The following EYS variants were observed in gnomAD, a reference collection of about 807,000 sequenced individuals.
EYS encodes the protein protein eyes shut homolog.
EYS carries 250 observed loss-of-function variants against 282.1 expected under a neutral mutation model. The ratio of observed to expected loss-of-function variants is 0.89; its 90% CI spans 0.80 to 0.98. EYS has a LOEUF of 0.98. Among genes scored for constraint, EYS ranks in the 50% least tolerant of loss-of-function variants. The pLI is 0.00. For synonymous variants in EYS, 1,355 were observed against 1,282.9 expected (o/e 1.06, Z -1.20); for missense variants, 4,016 against 3,709.0 (o/e 1.08, Z -2.15).
chr6:65,266,023 A>C (rs1439759303), intron 12 of EYS, among the ~76,000 whole-genome samples: 6 of 151,702 alleles, frequency 4.0e-5, no homozygotes, highest in Admixed American at 3.9e-4. Flanking sequence ...ACATTTAAGA[A>C]AAAAATATGT....
intron 5 of EYS, among the ~76,000 whole-genome samples, chr6:65,467,298 A>G (rs2150413973): frequency 6.6e-6 from 1 of 152,306 alleles, no homozygotes; most frequent in South Asian, 2.1e-4. Flanking sequence ...TCATATGCAG[A>G]GAAACTGGAT....
intron 13 of EYS, among the ~76,000 whole-genome samples, chr6:65,016,281 G>A (rs1396200833): frequency 6.6e-6 from 1 of 152,006 alleles, no homozygotes; most frequent in Admixed American, 6.6e-5. Context: ...ATGTATGGAT[G>A]ACTTTTGATA....
intron 22 of EYS, among the ~76,000 whole-genome samples, chr6:64,763,874 G>A (rs1773239988): frequency 6.6e-6 from 1 of 152,142 alleles, no homozygotes. Flanking sequence ...AAACCCAGTT[G>A]GGCAGTCATT....
chr6:65,001,203 A>T (rs9363315), intron 13 of EYS, among the ~76,000 whole-genome samples: 11,480 of 124,410 alleles, frequency 0.092, 1,780 homozygotes, highest in East Asian at 0.23. Context: ...TATGATAGCT[A>T]TCTGTATCCT....
intron 7 of EYS, among the ~76,000 whole-genome samples, chr6:65,389,074 T>G (rs144457484): frequency 8.5e-5 from 13 of 152,236 alleles, no homozygotes; most frequent in African/African-American, 3.1e-4. Context: ...TATAATAGCT[T>G]ATTAACAGGT....
intron 7 of EYS, among the ~76,000 whole-genome samples, chr6:65,397,876 G>C (rs575150066): frequency 6.6e-6 from 1 of 152,104 alleles, no homozygotes; most frequent in South Asian, 2.1e-4. Context: ...TCTATCAACA[G>C]TGTGTAAGCA....
chr6:64,469,533 G>A (rs188774681), intron 26 of EYS, among the ~76,000 whole-genome samples: 1 of 152,282 alleles, frequency 6.6e-6, no homozygotes, highest in Admixed American at 6.5e-5. Flanking sequence ...GAAGTGACCA[G>A]AAGACAAGAG....
intron 30 of EYS, among the ~76,000 whole-genome samples, chr6:64,241,869 G>T (rs1766845017): frequency 6.6e-6 from 1 of 152,108 alleles, no homozygotes; most frequent in Admixed American, 6.6e-5. Flanking sequence ...CTTTAAATGT[G>T]TTCCAGAGAT....
At chr6:65,668,046 T>C (rs923535) in intron 1 of EYS, among the ~76,000 whole-genome samples, 53,501 of 151,650 alleles carry the variant, frequency 0.35, 11,909 homozygotes, top group Non-Finnish European at 0.49. Flanking sequence ...ACAAAGCCAA[T>C]TCATCATGAA....
At position 63,782,369 on chromosome 6, in the gene EYS, C is replaced by T. The variant is rs567950832; in HGVS notation, c.7724-4189G>A. ...CCTCTGGTGGAATTCAGCTGTGAAT[C>T]TGTCTGGTCCTGGACTTTTTTGGGT... On this transcript the variant is annotated intron_variant, in intron 39 of 42. Coordinates refer to ENST00000503581, the MANE Select transcript of EYS (RefSeq NM_001142800.2). Among the ~76,000 whole-genome samples, 7 of 152,328 alleles carry T rather than the reference C, an allele frequency of 4.6e-5. No homozygotes were observed. The South Asian group carries it at 1.2e-3, about 27-fold the overall frequency.
intron 12 of EYS, among the ~76,000 whole-genome samples, chr6:65,121,504 C>A (rs1439685146): frequency 2.0e-5 from 3 of 147,952 alleles, no homozygotes; most frequent in African/African-American, 7.4e-5. Context: ...TCATGAGTGT[C>A]TTATTGGAAA....
intron 29 of EYS, among the ~76,000 whole-genome samples, chr6:64,357,271 C>T (rs1228451451): frequency 2.0e-5 from 3 of 151,568 alleles, no homozygotes; most frequent in African/African-American, 7.3e-5. Context: ...TAGAGAACAT[C>T]ATAAATACCA....
intron 15 of EYS, among the ~76,000 whole-genome samples, chr6:64,941,135 C>T (rs983269838): frequency 2.6e-5 from 4 of 151,984 alleles, no homozygotes; most frequent in Non-Finnish European, 5.9e-5. Flanking sequence ...AATCTGAGCA[C>T]TTTGGGAGGC....
chr6:64,550,710 C>G (rs1765047717), intron 26 of EYS, among the ~76,000 whole-genome samples: 1 of 152,050 alleles, frequency 6.6e-6, no homozygotes. Flanking sequence ...ATCTAGAAAA[C>G]CCCATCGTCT....
intron 11 of EYS, among the ~76,000 whole-genome samples, chr6:65,299,576 G>A (rs1351248094): frequency 6.6e-6 from 1 of 151,118 alleles, no homozygotes; most frequent in Non-Finnish European, 1.5e-5. Context: ...TAATATTCTG[G>A]TTTATTTTAA....
chr6:65,100,397 C>A, intron 12 of EYS, among the ~76,000 whole-genome samples: 1 of 150,214 alleles, frequency 6.7e-6, no homozygotes, highest in Middle Eastern at 3.5e-3. Flanking sequence ...ATAAGGCATT[C>A]TAAGATGAAT....
At chr6:64,952,441 C>T (rs752470082) in intron 14 of EYS, among the ~76,000 whole-genome samples, 3 of 151,938 alleles carry the variant, frequency 2.0e-5, no homozygotes, top group Non-Finnish European at 2.9e-5. Context: ...GAGTATAGGA[C>T]GTAGTGTAAT....
At chr6:65,321,767 T>A (rs1001791500) in intron 11 of EYS, among the ~76,000 whole-genome samples, 2 of 152,180 alleles carry the variant, frequency 1.3e-5, no homozygotes, top group Admixed American at 1.3e-4. Flanking sequence ...AAAGATGTTG[T>A]GTGAGCTGGT....
chr6:65,541,443 C>G (rs1768164251), intron 2 of EYS, among the ~76,000 whole-genome samples: 1 of 152,116 alleles, frequency 6.6e-6, no homozygotes. Context: ...ATTAAGCCAT[C>G]TTGTTTAAAC....
Sources: gnomAD v4.1 joint callset for allele counts (sites outside exome capture counted in the v4.1 genomes callset) on GRCh38, gnomAD v4.1.1 for gene constraint, MANE v1.5 for transcripts, NCBI Gene and HGNC (gene_info 2026-07-23, HGNC 2026-07-21) for gene names.